The following MAGI2 variants were observed in gnomAD, a reference collection of about 807,000 sequenced individuals.
MAGI2 encodes the protein membrane-associated guanylate kinase, WW and PDZ domain-containing protein 2.
In MAGI2, 35 loss-of-function variants were observed where a neutral mutation model predicts 133.3. The ratio of observed to expected loss-of-function variants is 0.26; its 90% CI spans 0.20 to 0.35. The LOEUF (loss-of-function observed/expected upper bound fraction) is 0.35. Among genes scored for constraint, MAGI2 ranks in the 10% least tolerant of loss-of-function variants. The probability of loss-of-function intolerance (pLI) is 1.00; values close to 1 mark genes in which losing one functional copy is unlikely to be tolerated. For synonymous variants in MAGI2, 729 were observed against 710.6 expected (o/e 1.03, Z -0.41); for missense variants, 1,636 against 1,863.4 (o/e 0.88, Z 2.25).
intron 7 of MAGI2, among the ~76,000 whole-genome samples, chr7:78,359,624 CCTT>C (rs1483483295): frequency 2.0e-5 from 3 of 152,092 alleles, no homozygotes; most frequent in African/African-American, 7.2e-5. Context: ...TTCTGAGAGG[CCTT>C]CTTTCCATAA....
chr7:78,020,122 C>T, intron 21 of MAGI2, 146 bp from the exon 22 acceptor site: 1 of 734,330 alleles, frequency 1.4e-6, no homozygotes, highest in Non-Finnish European at 2.1e-6. Flanking sequence ...CCCACCCTCA[C>T]TGCCGAGAGG....
At chr7:79,451,031 C>T (rs540043079) in intron 1 of MAGI2, among the ~76,000 whole-genome samples, 3 of 152,280 alleles carry the variant, frequency 2.0e-5, no homozygotes, top group East Asian at 3.9e-4. Flanking sequence ...TTTCACTTCT[C>T]CACGTTAAGT....
At position 78,019,551 on chromosome 7, in the gene MAGI2, A is replaced by G. The variant is rs1808095623; in HGVS notation, c.4132T>C (p.Cys1378Arg). Residue 1378 changes from cysteine (C) to arginine (R), a missense_variant, in exon 22 of 22, where the codon TGC becomes CGC. Around this residue, in one of 5 missense-constraint regions of MAGI2, gnomAD observed 354 missense variants for 298.7 expected, o/e 1.19. Transcript: ENST00000354212. ...APRAAAGSEL[C>R]RREGPGAAPA... ...GCAGCCCCCGGGCCTTCGCGCCGGCAGAGCTCGGAGCCCGCCGCCGCACGG... is the reference window on the plus strand; with the variant it reads ...GCAGCCCCCGGGCCTTCGCGCCGGCGGAGCTCGGAGCCCGCCGCCGCACGG... 1 of 979,700 alleles carries G rather than the reference A, an allele frequency of 1.0e-6. No homozygotes were observed. The highest frequency in any genetic ancestry group is 1.2e-6 in the Non-Finnish European group (1 of 827,792). The allele number at this position is 979,700 out of a possible 1,614,324, so 60.7% of individuals were successfully genotyped here.
At chr7:79,274,832 T>C (rs1466486445) in intron 1 of MAGI2, among the ~76,000 whole-genome samples, 1 of 152,140 alleles carries the variant, frequency 6.6e-6, no homozygotes, top group Non-Finnish European at 1.5e-5. Flanking sequence ...TTTCAAACTT[T>C]TTTGTTATTA....
intron 1 of MAGI2, among the ~76,000 whole-genome samples, chr7:79,441,882 G>A (rs954257456): frequency 1.3e-5 from 2 of 151,378 alleles, no homozygotes; most frequent in Non-Finnish European, 2.9e-5. Flanking sequence ...TCATATTATT[G>A]AAAGCAGGTC....
chr7:79,139,902 A>G (rs1021182200), intron 1 of MAGI2: 4 of 152,222 alleles, frequency 2.6e-5, no homozygotes, highest in Admixed American at 6.5e-5. Context: ...AAGTAAATGG[A>G]AACCATGTGA....
intron 3 of MAGI2, among the ~76,000 whole-genome samples, chr7:78,574,263 A>C (rs1487206871): frequency 2.0e-5 from 3 of 152,146 alleles, no homozygotes; most frequent in Non-Finnish European, 4.4e-5. Flanking sequence ...GCTAACTGGC[A>C]TTTCTTACCA....
chr7:79,053,214 C>G (rs955770245), intron 1 of MAGI2, among the ~76,000 whole-genome samples: 1 of 152,062 alleles, frequency 6.6e-6, no homozygotes, highest in African/African-American at 2.4e-5. Flanking sequence ...ACCTCGTGAT[C>G]CACCCATCTT....
intron 1 of MAGI2, among the ~76,000 whole-genome samples, chr7:79,157,258 G>A (rs1035264278): frequency 2.0e-5 from 3 of 152,050 alleles, no homozygotes; most frequent in African/African-American, 7.2e-5. Context: ...ACCCTTAGGT[G>A]ACTGGGGACC....
chr7:79,413,943 C>T (rs1418183127), intron 1 of MAGI2: 1 of 152,024 alleles, frequency 6.6e-6, no homozygotes, highest in East Asian at 1.9e-4. Flanking sequence ...ATTGGTGATA[C>T]AAAGGCTATA....
At chr7:78,728,540 C>CTTTTTTT (rs71085560) in intron 2 of MAGI2, among the ~76,000 whole-genome samples, 5 of 60,112 alleles carry the variant, frequency 8.3e-5, no homozygotes, top group Non-Finnish European at 1.1e-4. Flanking sequence ...TTTCTCTGAT[C>CTTTTTTT]TTTTTTTTTT....
At chr7:79,261,957 T>C (rs1029168084) in intron 1 of MAGI2, among the ~76,000 whole-genome samples, 1 of 152,186 alleles carries the variant, frequency 6.6e-6, no homozygotes, top group Admixed American at 6.5e-5. Context: ...TTCATGAAAT[T>C]CCACTTCAAT....
intron 3 of MAGI2, among the ~76,000 whole-genome samples, chr7:78,569,697 A>G (rs1037580873): frequency 6.6e-6 from 1 of 152,220 alleles, no homozygotes; most frequent in Admixed American, 6.5e-5. Flanking sequence ...AAATTACACA[A>G]TTATTAAGCA....
rs55707442 is a variant in MAGI2 at position 78,527,006 on chromosome 7, C to CAAAAAAA, written c.539-5368_539-5362dup. Among the ~76,000 whole-genome samples the CAAAAAAA allele has an allele frequency of 8.0e-3, 362 of 45,310 alleles. 2 individuals are homozygous for CAAAAAAA. Among genetic ancestry groups the CAAAAAAA allele is most frequent in the South Asian group, 9.1e-3 (8 of 878 alleles). 29.7% of individuals were successfully genotyped at this position (45,310 alleles called of 152,430 possible). A position where few individuals can be genotyped will look rare whatever the true frequency, so the allele number is the denominator to read the frequency against. On this transcript the variant is annotated intron_variant, in intron 3 of 21. Coordinates refer to ENST00000354212, the MANE Select transcript of MAGI2 (RefSeq NM_012301.4). ...ATGGTGACAGGGCAAGACTCCATCT[C>CAAAAAAA]AAAAAAAAAAAAAAAAAAAAAAAAA...
intron 1 of MAGI2, among the ~76,000 whole-genome samples, chr7:79,132,251 AG>A: frequency 6.6e-6 from 1 of 152,136 alleles, no homozygotes; most frequent in Non-Finnish European, 1.5e-5. Flanking sequence ...TCACCTAAGT[AG>A]TATACATTGT....
In MAGI2 at chr7:78,578,787, G is replaced by A. The variant is rs368528606; in HGVS notation, c.538+48333C>T. On this transcript the variant is annotated intron_variant, in intron 3 of 21. Transcript: ENST00000354212. ...AATGAGCTCATTAACCACTGTTCAT[G>A]ACTCTCAGTGGAGGCCAGGGCATTA... is the stretch of plus-strand genomic sequence containing the variant. 1.1e-4 allele frequency among the ~76,000 whole-genome samples: 16 copies of A among 152,154 alleles called. No homozygotes were observed. In the East Asian group the frequency reaches 1.2e-3, roughly 11 times the overall value.
intron 1 of MAGI2, among the ~76,000 whole-genome samples, chr7:79,272,365 A>G (rs887128888): frequency 2.0e-5 from 3 of 152,140 alleles, no homozygotes; most frequent in African/African-American, 4.8e-5. Context: ...TTAGGATTCC[A>G]TTACAAGCTT....
intron 4 of MAGI2, among the ~76,000 whole-genome samples, chr7:78,520,011 A>G (rs1796361550): frequency 6.6e-6 from 1 of 152,214 alleles, no homozygotes; most frequent in Non-Finnish European, 1.5e-5. Context: ...CTTAAGAATC[A>G]AAAAAGAGGA....
At chr7:78,994,048 G>C (rs550031731) in intron 2 of MAGI2, among the ~76,000 whole-genome samples, 29 of 151,942 alleles carry the variant, frequency 1.9e-4, no homozygotes, top group African/African-American at 7.0e-4. Context: ...TTCTGTATGT[G>C]CCTAGTGAAG....
Sources: gnomAD v4.1 joint callset for allele counts (sites outside exome capture counted in the v4.1 genomes callset) on GRCh38, gnomAD v4.1.1 for gene constraint, gnomAD v4.1.1 regional missense constraint, MANE v1.5 for transcripts, NCBI Gene and HGNC (gene_info 2026-07-23, HGNC 2026-07-21) for gene names.